Variants in TTC6 observed in about 807,000 individuals in gnomAD.
The protein encoded by TTC6 is tetratricopeptide repeat protein 6.
Under a neutral mutation model 210.4 loss-of-function variants are expected in TTC6, and 172 were observed. The ratio of observed to expected loss-of-function variants is 0.82; its 90% CI spans 0.72 to 0.93. The LOEUF (loss-of-function observed/expected upper bound fraction) is 0.93, where lower values mean the gene tolerates loss of function less well. Ranked by LOEUF, TTC6 falls within the 40% of genes least tolerant of loss-of-function variation. The pLI is 0.00. For synonymous variants in TTC6, 804 were observed against 819.6 expected (o/e 0.98, Z 0.32); for missense variants, 2,414 against 2,318.1 (o/e 1.04, Z -0.85).
At chr14:37,692,786 G>A (rs948111107) in intron 3 of TTC6, among the ~76,000 whole-genome samples, 1 of 151,850 alleles carries the variant, frequency 6.6e-6, no homozygotes, top group Non-Finnish European at 1.5e-5. Context: ...TTGAACCTGG[G>A]AGGCAGAGGT....
chr14:37,604,768 A>G lies in TTC6; in HGVS notation c.-234-1895A>G, dbSNP rs576964356. Among the ~76,000 whole-genome samples, 26 of 152,282 alleles carry G rather than the reference A, an allele frequency of 1.7e-4. No individual in the cohort carries two copies. The South Asian group carries it at 5.4e-3, about 32-fold the overall frequency. ...CCTGAACTTGGGGAGAACTGAGATG[A>G]GAAAGCAAGACTCTTGATTTCACTT... On this transcript the variant is annotated intron_variant, in intron 1 of 2. Coordinates refer to the TTC6 transcript ENST00000556845.
intron 1 of TTC6, among the ~76,000 whole-genome samples, chr14:37,626,346 T>A (rs927230484): frequency 6.6e-6 from 1 of 152,220 alleles, no homozygotes; most frequent in Non-Finnish European, 1.5e-5. Flanking sequence ...TGCGTAGTTG[T>A]TTTTGATCAT....
intron 25 of TTC6, among the ~76,000 whole-genome samples, chr14:37,816,612 T>C (rs1372068759): frequency 6.6e-6 from 1 of 152,160 alleles, no homozygotes; most frequent in African/African-American, 2.4e-5. Context: ...AGCAGTGCTA[T>C]TTTCATTCCT....
chr14:37,632,002 T>C, intron 1 of TTC6, among the ~76,000 whole-genome samples: 1 of 152,184 alleles, frequency 6.6e-6, no homozygotes, highest in Non-Finnish European at 1.5e-5. Flanking sequence ...GTTATTCTAG[T>C]TAGCAATTCC....
At position 37,753,205 on chromosome 14, in the gene TTC6, TA is replaced by T; in HGVS notation, c.3239del (p.Asn1080IlefsTer2). On this transcript the variant is annotated frameshift_variant, in exon 14 of 31. Transcript: ENST00000553443. LOFTEE classifies it high-confidence loss of function. ...GCCATAGAGGATTTTACAGCCTTGTTAAATATAGATCACCAAAATTCTCAAG... is the reference window on the plus strand; with the variant it reads ...GCCATAGAGGATTTTACAGCCTTGTTAATATAGATCACCAAAATTCTCAAG... The T allele has an allele frequency of 6.5e-7, 1 of 1,534,394 alleles. No individual in the cohort carries two copies. The highest frequency in any genetic ancestry group is 8.7e-7 in the Non-Finnish European group (1 of 1,146,074).
intron 28 of TTC6, 136 bp downstream of exon 30, chr14:37,826,483 A>T: frequency 2.4e-6 from 2 of 827,136 alleles, no homozygotes; most frequent in Non-Finnish European, 3.4e-6. Context: ...TTTTTAACCC[A>T]AGTGATCCCT....
chr14:37,598,538 G>A lies in TTC6; in HGVS notation c.-235+2530G>A, dbSNP rs2095609013. Among the ~76,000 whole-genome samples, 1 of 152,200 alleles carries A rather than the reference G, an allele frequency of 6.6e-6. No homozygotes were observed. The highest frequency in any genetic ancestry group is 1.9e-4 in the East Asian group (1 of 5,184). The stretch of plus-strand genomic sequence containing the variant: ...GAGCGGCACTCGGTCCTTTGACCAC[G>A]CTTGGCTGCCTCAGCTTACACTTCC... On this transcript the variant is annotated intron_variant, in intron 1 of 2. Coordinates refer to the TTC6 transcript ENST00000556845. This position sits in a 1 kb window ranked among gnomAD's most constrained non-coding sequence, Gnocchi z 4.9.
At chr14:37,675,551 A>G (rs184289216) in intron 1 of TTC6, among the ~76,000 whole-genome samples, 9 of 152,186 alleles carry the variant, frequency 5.9e-5, no homozygotes, top group Non-Finnish European at 8.8e-5. Context: ...ACAAATATCT[A>G]TTGAAATACC....
intron 1 of TTC6, among the ~76,000 whole-genome samples, chr14:37,600,638 C>T (rs1302818411): frequency 6.6e-6 from 1 of 152,224 alleles, no homozygotes; most frequent in African/African-American, 2.4e-5. Context: ...ATATCCTTCA[C>T]TTAGAAAGAA....
chr14:37,768,610 G>C (rs978758028), intron 14 of TTC6, among the ~76,000 whole-genome samples: 37 of 150,510 alleles, frequency 2.5e-4, no homozygotes, highest in Non-Finnish European at 5.0e-4. Flanking sequence ...TTTGTCTGTT[G>C]TTGGTGTATA....
chr14:37,667,289 T>A (rs976669115), intron 1 of TTC6, among the ~76,000 whole-genome samples: 1 of 150,188 alleles, frequency 6.7e-6, no homozygotes, highest in Non-Finnish European at 1.5e-5. Context: ...ATTTCACTTA[T>A]ACTACCCACG....
At chr14:37,826,982 A>G (rs955567029) in intron 28 of TTC6, among the ~76,000 whole-genome samples, 12 of 152,116 alleles carry the variant, frequency 7.9e-5, no homozygotes, top group Non-Finnish European at 1.5e-4. Flanking sequence ...CACTAAGATT[A>G]TTTGTTTTAT....
rs555976136 is a variant in TTC6, at chr14:37,675,450, C to G, written c.940-4701C>G. ...ATGGTATTCCATTGTATGGATATACCAAATTTTGTTTATTCATTCATCCAT... is the reference window on the plus strand; with the variant it reads ...ATGGTATTCCATTGTATGGATATACGAAATTTTGTTTATTCATTCATCCAT... On this transcript the variant is annotated intron_variant, in intron 1 of 30. Coordinates refer to ENST00000553443, the Ensembl canonical transcript of TTC6. Among the ~76,000 whole-genome samples, 9 of 152,050 alleles carry G rather than the reference C, an allele frequency of 5.9e-5. No individual in the cohort carries two copies. In the South Asian group the frequency reaches 1.9e-3, roughly 32 times the overall value.
chr14:37,753,155 T>C (rs1289241118), exon 14 of TTC6: 8 of 1,535,536 alleles, frequency 5.2e-6, no homozygotes, highest in Middle Eastern at 1.7e-4. Flanking sequence ...GGCTGTTTTA[T>C]TGTGAAAATG....
chr14:37,770,581 CT>C (rs1485257938), intron 14 of TTC6, among the ~76,000 whole-genome samples: 31 of 151,990 alleles, frequency 2.0e-4, no homozygotes, highest in South Asian at 6.2e-4. Context: ...CTCTTTTGAT[CT>C]TTGTTGGTTT....
chr14:37,748,859 A>T (rs2095943626), intron 10 of TTC6, 80 bp from the exon 13 acceptor site: 3 of 1,122,932 alleles, frequency 2.7e-6, no homozygotes, highest in Non-Finnish European at 3.6e-6. Context: ...TAGTAGTTTT[A>T]TGTGTGGCTG....
chr14:37,620,724 T>C (rs945149743), upstream of TTC6, among the ~76,000 whole-genome samples: 3 of 152,218 alleles, frequency 2.0e-5, no homozygotes, highest in Non-Finnish European at 4.4e-5. Context: ...AAGTGTACAG[T>C]TCAGTGAATA....
chr14:37,814,120 T>G (rs1471452533), intron 25 of TTC6, among the ~76,000 whole-genome samples: 2 of 152,218 alleles, frequency 1.3e-5, no homozygotes, highest in Non-Finnish European at 2.9e-5. Flanking sequence ...CCATCACACT[T>G]AGAATAAAAT....
At chr14:37,652,529 T>A (rs1333081846) in intron 1 of TTC6, among the ~76,000 whole-genome samples, 1 of 152,222 alleles carries the variant, frequency 6.6e-6, no homozygotes, top group Non-Finnish European at 1.5e-5. Context: ...TAACTTTTAT[T>A]TTGATCAAAG....
Sources: gnomAD v4.1 joint callset for allele counts (sites outside exome capture counted in the v4.1 genomes callset) on GRCh38, gnomAD v4.1.1 for gene constraint, Gnocchi (gnomAD v3.1) non-coding constraint, MANE v1.5 for transcripts, NCBI Gene and HGNC (gene_info 2026-07-23, HGNC 2026-07-21) for gene names.